Variants in GLRA3 observed in about 807,000 individuals in gnomAD.
The protein encoded by GLRA3 is glycine receptor alpha 3, also known as glycine receptor subunit alpha-3.
In GLRA3, 44 loss-of-function variants were observed where a neutral mutation model predicts 60.4. The observed-to-expected ratio is 0.73, with a 90% CI of 0.57 to 0.94. The LOEUF (loss-of-function observed/expected upper bound fraction) is 0.94, where lower values mean the gene tolerates loss of function less well. Among genes scored for constraint, GLRA3 ranks in the 40% least tolerant of loss-of-function variants. The probability of loss-of-function intolerance (pLI) is 0.00; values close to 1 mark genes in which losing one functional copy is unlikely to be tolerated. For synonymous variants in GLRA3, 223 were observed against 192.9 expected (o/e 1.16, Z -1.29); for missense variants, 508 against 564.6 (o/e 0.90, Z 1.02).
chr4:174,728,949 G>T (rs923694379), intron 3 of GLRA3, among the ~76,000 whole-genome samples: 1 of 152,136 alleles, frequency 6.6e-6, no homozygotes, highest in Non-Finnish European at 1.5e-5. Flanking sequence ...TTATAAAAAA[G>T]AGTTTTGGAT....
chr4:174,757,767 C>T (rs1211387360), intron 3 of GLRA3, among the ~76,000 whole-genome samples: 1 of 152,002 alleles, frequency 6.6e-6, no homozygotes, highest in Non-Finnish European at 1.5e-5. Flanking sequence ...TCTCTTTATC[C>T]CCTTAAGTTG....
chr4:174,809,751 A>C (rs1341924883), intron 1 of GLRA3, among the ~76,000 whole-genome samples: 1 of 152,170 alleles, frequency 6.6e-6, no homozygotes, highest in Non-Finnish European at 1.5e-5. Flanking sequence ...TTAATTAAAA[A>C]ATAAAATAAA....
At chr4:174,699,084 A>C (rs1039291104) in intron 5 of GLRA3, among the ~76,000 whole-genome samples, 1 of 150,576 alleles carries the variant, frequency 6.6e-6, no homozygotes, top group African/African-American at 2.5e-5. Context: ...TGCAACCTCC[A>C]CTTCCCAGGT....
At chr4:174,710,971 T>C (rs1735698601) in intron 5 of GLRA3, among the ~76,000 whole-genome samples, 2 of 152,060 alleles carry the variant, frequency 1.3e-5, no homozygotes, top group Admixed American at 1.3e-4. Flanking sequence ...CTAGAAATTT[T>C]GATATATTGT....
At chr4:174,657,768 T>A (rs1445329361) in intron 8 of GLRA3, among the ~76,000 whole-genome samples, 1 of 152,094 alleles carries the variant, frequency 6.6e-6, no homozygotes, top group Non-Finnish European at 1.5e-5. Flanking sequence ...AATCTCCCCA[T>A]CACAATATGT....
intron 1 of GLRA3, among the ~76,000 whole-genome samples, chr4:174,805,702 A>G (rs1176594301): frequency 6.6e-6 from 1 of 152,186 alleles, no homozygotes; most frequent in East Asian, 1.9e-4. Flanking sequence ...TCAGGGTAAT[A>G]AAAAGTATTT....
intron 2 of GLRA3, among the ~76,000 whole-genome samples, chr4:174,786,418 C>T (rs1196329337): frequency 1.3e-5 from 2 of 152,120 alleles, no homozygotes; most frequent in Admixed American, 1.3e-4. Flanking sequence ...CCCCTAGGTA[C>T]ATGACGACAC....
At chr4:174,824,193 C>T (rs755568035) in intron 1 of GLRA3, among the ~76,000 whole-genome samples, 2 of 152,144 alleles carry the variant, frequency 1.3e-5, no homozygotes, top group Admixed American at 6.5e-5. Flanking sequence ...TATCCAAATC[C>T]TCTACTATAT....
intron 1 of GLRA3, among the ~76,000 whole-genome samples, chr4:174,798,482 A>C (rs1273170906): frequency 6.6e-6 from 1 of 152,190 alleles, no homozygotes; most frequent in Non-Finnish European, 1.5e-5. Flanking sequence ...GTCATCTGGG[A>C]ATATGTGATG....
intron 5 of GLRA3, among the ~76,000 whole-genome samples, chr4:174,715,020 T>C (rs1735855446): frequency 6.6e-6 from 1 of 152,226 alleles, no homozygotes; most frequent in African/African-American, 2.4e-5. Context: ...AGCATAGGTT[T>C]GGAGGCAGTT....
chr4:174,785,188 A>G (rs1270573006), intron 2 of GLRA3, among the ~76,000 whole-genome samples: 1 of 152,126 alleles, frequency 6.6e-6, no homozygotes, highest in East Asian at 1.9e-4. Flanking sequence ...AAATGACAAA[A>G]CAATAAAAAC....
At chr4:174,749,573 A>G (rs745871153) in intron 3 of GLRA3, among the ~76,000 whole-genome samples, 2 of 152,196 alleles carry the variant, frequency 1.3e-5, no homozygotes, top group Admixed American at 6.5e-5. Flanking sequence ...ATTGAAAGCC[A>G]TAGCAAAGAA....
chr4:174,757,190 A>G (rs1737752075), intron 3 of GLRA3, among the ~76,000 whole-genome samples: 1 of 152,232 alleles, frequency 6.6e-6, no homozygotes, highest in African/African-American at 2.4e-5. Context: ...TCAAGTTGAG[A>G]ATATGTCAAT....
chr4:174,708,212 T>C (rs1735583364), intron 5 of GLRA3, among the ~76,000 whole-genome samples: 1 of 152,152 alleles, frequency 6.6e-6, no homozygotes, highest in Non-Finnish European at 1.5e-5. Flanking sequence ...TATTATAAAA[T>C]AATTGCAAAA....
chr4:174,795,202 G>C lies in GLRA3; in HGVS notation c.72-6259C>G, dbSNP rs186192093. Among the ~76,000 whole-genome samples, 699 of 152,016 alleles carry C rather than the reference G, an allele frequency of 4.6e-3. 5 individuals are homozygous for C. Among genetic ancestry groups the C allele is most frequent in the African/African-American group, 0.015 (633 of 41,516 alleles). On this transcript the variant is annotated intron_variant, in intron 1 of 9. Coordinates refer to ENST00000274093, the MANE Select transcript of GLRA3 (RefSeq NM_006529.4). ...CATACTACCTTTTATCACTAACATA[G>C]ACCAAGACGGAAGATATATCTTTGG...
intron 2 of GLRA3, among the ~76,000 whole-genome samples, chr4:174,780,576 A>G (rs1177860943): frequency 4.1e-5 from 6 of 147,868 alleles, no homozygotes; most frequent in African/African-American, 1.5e-4. Flanking sequence ...CCCATCTCAC[A>G]TGCAGAGACA....
chr4:174,741,083 A>G (rs80179272), intron 3 of GLRA3, among the ~76,000 whole-genome samples: 12,210 of 152,186 alleles, frequency 0.08, 873 homozygotes, highest in East Asian at 0.39. Flanking sequence ...TGTTTCTCGT[A>G]AGTAAATATC....
At chr4:174,763,429 T>C (rs1738012300) in intron 3 of GLRA3, among the ~76,000 whole-genome samples, 1 of 152,190 alleles carries the variant, frequency 6.6e-6, no homozygotes, top group Non-Finnish European at 1.5e-5. Context: ...AAAACTTTTC[T>C]CTTAACCAAT....
chr4:174,760,915 T>C (rs1737919953), intron 3 of GLRA3, among the ~76,000 whole-genome samples: 1 of 151,900 alleles, frequency 6.6e-6, no homozygotes, highest in Non-Finnish European at 1.5e-5. Flanking sequence ...AAGCATGGAG[T>C]ATCTCAAAAA....
Sources: gnomAD v4.1 joint callset for allele counts (sites outside exome capture counted in the v4.1 genomes callset) on GRCh38, gnomAD v4.1.1 for gene constraint, MANE v1.5 for transcripts, NCBI Gene and HGNC (gene_info 2026-07-23, HGNC 2026-07-21) for gene names.